WARS2: variants seen among roughly 807,000 people sequenced by gnomAD.
WARS2 encodes tryptophanyl tRNA synthetase 2, mitochondrial, also known as tryptophan--tRNA ligase, mitochondrial.
WARS2 carries 28 observed loss-of-function variants against 36.5 expected under a neutral mutation model. That is an observed-to-expected ratio of 0.77 (90% confidence interval 0.57 to 1.05). The LOEUF (loss-of-function observed/expected upper bound fraction) is 1.05. WARS2 is among the 50% of genes least tolerant of loss of function. The pLI, the probability that WARS2 is intolerant of heterozygous loss-of-function variation, is 0.00. For synonymous variants in WARS2, 174 were observed against 178.4 expected, an observed-to-expected ratio of 0.98 and a Z score of 0.20; for missense variants, 435 against 456.8, an observed-to-expected ratio of 0.95 and a Z score of 0.44.
intron 2 of WARS2, among the ~76,000 whole-genome samples, chr1:119,046,817 A>C (rs1380293623): frequency 6.6e-6 from 1 of 150,810 alleles, no homozygotes; most frequent in Non-Finnish European, 1.5e-5. Flanking sequence ...TAAAAAGCAG[A>C]GACTGCTGCC....
intron 3 of WARS2, among the ~76,000 whole-genome samples, chr1:119,043,165 C>T (rs537560045): frequency 6.6e-6 from 1 of 152,300 alleles, no homozygotes; most frequent in South Asian, 2.1e-4. Context: ...TCGTTTGATT[C>T]TCTGAGTAGA....
chr1:119,125,492 A>G (rs1655592876), intron 1 of WARS2, among the ~76,000 whole-genome samples: 1 of 152,240 alleles, frequency 6.6e-6, no homozygotes. Context: ...CTACCATATA[A>G]TAAGTACTCA....
At chr1:119,129,621 A>G (rs1200968257) in intron 1 of WARS2, among the ~76,000 whole-genome samples, 2 of 152,164 alleles carry the variant, frequency 1.3e-5, no homozygotes, top group Non-Finnish European at 2.9e-5. Context: ...GAGTATCACA[A>G]GGAGGATCGC....
At chr1:119,114,876 CCT>C (rs1412787282) in intron 1 of WARS2, among the ~76,000 whole-genome samples, 2 of 152,140 alleles carry the variant, frequency 1.3e-5, no homozygotes, top group African/African-American at 4.8e-5. Flanking sequence ...CCATATGCTC[CCT>C]GATATTATAA....
At chr1:119,041,928 C>G (rs1025272684) in intron 4 of WARS2, among the ~76,000 whole-genome samples, 1 of 152,040 alleles carries the variant, frequency 6.6e-6, no homozygotes, top group African/African-American at 2.4e-5. Context: ...TCTGTAAAAT[C>G]GGGACAATAA....
chr1:119,099,123 T>C (rs1245019315), intron 1 of WARS2, among the ~76,000 whole-genome samples: 2 of 152,192 alleles, frequency 1.3e-5, no homozygotes, highest in African/African-American at 4.8e-5. Context: ...GATTTTTGAC[T>C]AGTTTTGCCC....
intron 1 of WARS2, among the ~76,000 whole-genome samples, chr1:119,118,712 A>G (rs190536642): frequency 6.6e-6 from 1 of 152,348 alleles, no homozygotes; most frequent in Non-Finnish European, 1.5e-5. Flanking sequence ...AGGAAAACCT[A>G]TCAGATTAAC....
intron 5 of WARS2, 73 bp from the exon 6 acceptor site, chr1:119,033,432 A>C: frequency 1.3e-6 from 2 of 1,566,358 alleles, no homozygotes; most frequent in Non-Finnish European, 1.7e-6. Flanking sequence ...ATGTACACAC[A>C]GACAGTTCCC....
chr1:119,122,148 C>A (rs112112327), intron 1 of WARS2, among the ~76,000 whole-genome samples: 28 of 152,136 alleles, frequency 1.8e-4, no homozygotes, highest in African/African-American at 5.1e-4. Context: ...ATATACCTGA[C>A]AAAGGACTAA....
chr1:119,102,488 T>G (rs897318849), intron 1 of WARS2, among the ~76,000 whole-genome samples: 3 of 152,248 alleles, frequency 2.0e-5, no homozygotes, highest in African/African-American at 7.2e-5. Context: ...TTTCCCGCAG[T>G]GCTACTAATT....
intron 1 of WARS2, among the ~76,000 whole-genome samples, chr1:119,100,323 C>A (rs977201614): frequency 6.6e-6 from 1 of 152,150 alleles, no homozygotes; most frequent in African/African-American, 2.4e-5. Context: ...GAAAAGAGAA[C>A]TCTTATACCC....
At chr1:119,137,772 ATCCCATAATGAGTATGGAGTGATG>A (rs1358632723) in intron 1 of WARS2, among the ~76,000 whole-genome samples, 1 of 152,200 alleles carries the variant, frequency 6.6e-6, no homozygotes, top group Admixed American at 6.5e-5. Context: ...AATTGTAGAC[ATCCCATAATGAGTATGGAGTGATG>A]TGCTGTTATT....
chr1:119,057,948 G>A (rs559067533), intron 2 of WARS2, among the ~76,000 whole-genome samples: 16 of 152,234 alleles, frequency 1.1e-4, no homozygotes, highest in African/African-American at 3.9e-4. Flanking sequence ...GAAGAACAGA[G>A]GCTTTATCTT....
At chr1:119,043,247 G>A (rs2101123668) in intron 3 of WARS2, among the ~76,000 whole-genome samples, 2 of 152,234 alleles carry the variant, frequency 1.3e-5, no homozygotes, top group East Asian at 3.9e-4. Flanking sequence ...AAAATAAATG[G>A]ATACTTTGGT....
At chr1:119,095,193 TCA>T (rs1276284172) in intron 1 of WARS2, among the ~76,000 whole-genome samples, 1 of 152,142 alleles carries the variant, frequency 6.6e-6, no homozygotes, top group Non-Finnish European at 1.5e-5. Flanking sequence ...TCACCAAATC[TCA>T]GTCACTACCT....
chr1:119,125,653 C>T (rs1197345970), intron 1 of WARS2, among the ~76,000 whole-genome samples: 1 of 152,084 alleles, frequency 6.6e-6, no homozygotes, highest in Non-Finnish European at 1.5e-5. Context: ...ACAATGGGTC[C>T]AAAAAATTTT....
chr1:119,136,745 A>G (rs1656538746), intron 1 of WARS2, among the ~76,000 whole-genome samples: 1 of 152,228 alleles, frequency 6.6e-6, no homozygotes, highest in Non-Finnish European at 1.5e-5. Context: ...CTAATTGCAA[A>G]ATATGGAATG....
At chr1:119,066,215 C>T (rs759159815) in intron 2 of WARS2, among the ~76,000 whole-genome samples, 41 of 152,168 alleles carry the variant, frequency 2.7e-4, no homozygotes, top group Middle Eastern at 3.4e-3. Context: ...CGGTGGCTCA[C>T]GCCTGTAATC....
At chr1:119,093,894 CCTTCTCTTCCAAGACTGTGCAAGA>C (rs2101420459) in intron 1 of WARS2, among the ~76,000 whole-genome samples, 1 of 152,316 alleles carries the variant, frequency 6.6e-6, no homozygotes, top group East Asian at 1.9e-4. Flanking sequence ...AGGACACTGG[CCTTCTCTTCCAAGACTGTGCAAGA>C]CCTGGGGCAA....
Sources: gnomAD v4.1 joint callset for allele counts (sites outside exome capture counted in the v4.1 genomes callset) on GRCh38, gnomAD v4.1.1 for gene constraint, MANE v1.5 for transcripts, NCBI Gene and HGNC (gene_info 2026-07-23, HGNC 2026-07-21) for gene names.